The following TRIM71 variants were observed in gnomAD, a reference collection of about 807,000 sequenced individuals.
The protein encoded by TRIM71 is E3 ubiquitin-protein ligase TRIM71.
TRIM71 carries 9 observed loss-of-function variants against 61.2 expected under a neutral mutation model. That is an observed-to-expected ratio of 0.15 (90% CI 0.09 to 0.26). TRIM71 has a LOEUF of 0.26. TRIM71 is among the 10% of genes least tolerant of loss of function. TRIM71 has a pLI of 1.00. For missense variants in TRIM71, 998 were observed against 1,238.7 expected (o/e 0.81, Z 2.92); for synonymous variants, 645 against 553.2 (o/e 1.17, Z -2.33).
chr3:32,888,367 G>C (rs569177812), intron 3 of TRIM71, among the ~76,000 whole-genome samples: 1 of 144,092 alleles, frequency 6.9e-6, no homozygotes, highest in South Asian at 2.2e-4. Flanking sequence ...GGGAGGCTGA[G>C]GTGGGAAGAT....
chr3:32,830,258 G>C (rs1485792491), intron 1 of TRIM71, among the ~76,000 whole-genome samples: 1 of 151,938 alleles, frequency 6.6e-6, no homozygotes, highest in African/African-American at 2.4e-5. Flanking sequence ...TTATCTTCCT[G>C]CTTTGACCTT....
At chr3:32,876,611 G>A (rs1419741847) in intron 2 of TRIM71, among the ~76,000 whole-genome samples, 2 of 152,022 alleles carry the variant, frequency 1.3e-5, no homozygotes, top group Non-Finnish European at 2.9e-5. Context: ...AACAAAAAGA[G>A]CCACTGGTGT....
chr3:32,888,536 T>C (rs1042022102), intron 3 of TRIM71, among the ~76,000 whole-genome samples: 11 of 150,718 alleles, frequency 7.3e-5, no homozygotes, highest in African/African-American at 2.7e-4. Flanking sequence ...TTGCGGTTTG[T>C]TGTTGTTGTT....
At chr3:32,867,669 G>A (rs747902855) in intron 1 of TRIM71, among the ~76,000 whole-genome samples, 1 of 152,138 alleles carries the variant, frequency 6.6e-6, no homozygotes, top group East Asian at 1.9e-4. Flanking sequence ...TGTATGCATT[G>A]TAGAGTATGT....
At chr3:32,883,493 G>T (rs1696930304) in intron 2 of TRIM71, among the ~76,000 whole-genome samples, 1 of 152,206 alleles carries the variant, frequency 6.6e-6, no homozygotes, top group Non-Finnish European at 1.5e-5. Context: ...TTCCGTTTCT[G>T]CTTTGGTCTT....
At chr3:32,862,132 T>C (rs1171926423) in intron 1 of TRIM71, among the ~76,000 whole-genome samples, 1 of 152,156 alleles carries the variant, frequency 6.6e-6, no homozygotes, top group Non-Finnish European at 1.5e-5. Context: ...CTAGGCCTTA[T>C]CAACCAATAG....
intron 1 of TRIM71, among the ~76,000 whole-genome samples, chr3:32,867,435 G>GTGTGTA (rs1372923121): frequency 2.0e-5 from 3 of 152,098 alleles, no homozygotes; most frequent in African/African-American, 7.2e-5. Flanking sequence ...ATTTGTGTGT[G>GTGTGTA]TGTGTATGTG....
intron 1 of TRIM71, among the ~76,000 whole-genome samples, chr3:32,869,550 TGTGCACACATGC>T (rs1166252126): frequency 6.6e-6 from 1 of 152,278 alleles, no homozygotes; most frequent in Non-Finnish European, 1.5e-5. Context: ...TGCATTTGCA[TGTGCACACATGC>T]GTGCACACAC....
Position 32,897,244 on chromosome 3 carries a change from C to T in TRIM71, c.*5433C>T, listed in dbSNP as rs1036544178. 1.4e-4 allele frequency: 21 copies of T among 151,216 alleles called. No homozygotes were observed. Among genetic ancestry groups the T allele is most frequent in the Non-Finnish European group, 2.4e-4 (16 of 67,890 alleles). The allele number at this position is 151,216 out of a possible 1,614,324, so 9.4% of individuals were successfully genotyped here. On this transcript the variant is annotated 3_prime_UTR_variant, in exon 4 of 4. Transcript: ENST00000383763. ...GGGGGAATTAATGTGGGCAAGTTGC[C>T]TTATGTTAGAATGACTAAGTTAAAC...
In TRIM71 at chr3:32,892,437, C is replaced by G. The variant is rs993095502; in HGVS notation, c.*626C>G. The stretch of plus-strand genomic sequence containing the variant: ...GCAACAGAGAAATTTCCTCTGTTCT[C>G]TGTTTATACCTCAGTGTGTTTAACA... On this transcript the variant is annotated 3_prime_UTR_variant, in exon 4 of 4. Transcript: ENST00000383763. The G allele has an allele frequency of 7.2e-5, 11 of 152,250 alleles. No individual in the cohort carries two copies. The highest frequency in any genetic ancestry group is 1.2e-4 in the Non-Finnish European group (8 of 68,100). 9.4% of individuals were successfully genotyped at this position (152,250 alleles called of 1,614,324 possible).
chr3:32,837,171 A>G (rs1400405278), intron 1 of TRIM71, among the ~76,000 whole-genome samples: 1 of 152,194 alleles, frequency 6.6e-6, no homozygotes, highest in African/African-American at 2.4e-5. Flanking sequence ...AATTGTTCTT[A>G]TTTCCTAAGC....
intron 1 of TRIM71, among the ~76,000 whole-genome samples, chr3:32,870,959 C>T (rs1264934173): frequency 2.0e-5 from 3 of 149,154 alleles, no homozygotes; most frequent in Admixed American, 6.6e-5. Flanking sequence ...TGAGCCACCA[C>T]GCCCAGCAAT....
At chr3:32,848,612 C>T (rs552267666) in intron 1 of TRIM71, among the ~76,000 whole-genome samples, 29 of 152,246 alleles carry the variant, frequency 1.9e-4, no homozygotes, top group Non-Finnish European at 2.1e-4. Context: ...CTCAAAAATA[C>T]CCCTAGTTTT....
At chr3:32,832,827 AAAT>A (rs1696288126) in intron 1 of TRIM71, among the ~76,000 whole-genome samples, 1 of 152,154 alleles carries the variant, frequency 6.6e-6, no homozygotes, top group Admixed American at 6.5e-5. Flanking sequence ...AACATTGAAG[AAAT>A]AATTGGTGTA....
intron 1 of TRIM71, among the ~76,000 whole-genome samples, chr3:32,823,933 G>T (rs964557395): frequency 6.6e-6 from 1 of 152,054 alleles, no homozygotes; most frequent in Non-Finnish European, 1.5e-5. Flanking sequence ...AAATTAGCCA[G>T]GCGTGGTGGC....
In TRIM71 at chr3:32,886,088, C is replaced by A. The variant is rs369436221; in HGVS notation, c.1155+20C>A. The A allele has an allele frequency of 5.6e-6, 9 of 1,605,062 alleles. No homozygotes were observed. The highest frequency in any genetic ancestry group is 1.7e-5 in the Admixed American group (1 of 58,892). The stretch of plus-strand genomic sequence containing the variant: ...TGGAAGGTAACAGGGAGAGCTCCCC[C>A]ACCCAGGCTGTGCCCACTCGGCTTC... On this transcript the variant is annotated intron_variant, in intron 3 of 3. Coordinates refer to ENST00000383763, the MANE Select transcript of TRIM71 (RefSeq NM_001039111.3).
intron 1 of TRIM71, among the ~76,000 whole-genome samples, chr3:32,829,063 G>A (rs546168726): frequency 5.3e-5 from 8 of 151,618 alleles, no homozygotes; most frequent in African/African-American, 1.7e-4. Flanking sequence ...ATGTGATCTC[G>A]GCTCACTGCA....
At chr3:32,876,773 A>C (rs1171144581) in intron 2 of TRIM71, among the ~76,000 whole-genome samples, 1 of 152,184 alleles carries the variant, frequency 6.6e-6, no homozygotes, top group African/African-American at 2.4e-5. Context: ...GAGTTGTAAC[A>C]ATTTGCTGGA....
In TRIM71 at chr3:32,895,154, C is replaced by A. The variant is rs1697064994; in HGVS notation, c.*3343C>A. The stretch of plus-strand genomic sequence containing the variant: ...AAAGTGTTATTTTTGGTCCCAAGAT[C>A]TAATGCTGTCTCAGAACATGTGCCC... On this transcript the variant is annotated 3_prime_UTR_variant, in exon 4 of 4. Coordinates refer to ENST00000383763, the MANE Select transcript of TRIM71 (RefSeq NM_001039111.3). 6.6e-6 allele frequency: 1 copy of A among 152,228 alleles called. No individual in the cohort carries two copies. Among genetic ancestry groups the A allele is most frequent in the Admixed American group, 6.5e-5 (1 of 15,282 alleles). 9.4% of individuals were successfully genotyped at this position (152,228 alleles called of 1,614,324 possible).
Sources: allele counts gnomAD v4.1 joint callset (sites outside exome capture counted in the v4.1 genomes callset), GRCh38; gene constraint gnomAD v4.1.1; transcripts MANE v1.5; gene names NCBI Gene and HGNC (gene_info 2026-07-23, HGNC 2026-07-21).